NBPF9: variants seen among roughly 807,000 people sequenced by gnomAD.
NBPF9 encodes NBPF member 9, also known as NBPF family member NBPF9.
NBPF9 carries 91 observed loss-of-function variants against 97.8 expected under a neutral mutation model. The ratio of observed to expected loss-of-function variants is 0.93; its 90% CI spans 0.79 to 1.11. The LOEUF (loss-of-function observed/expected upper bound fraction) is 1.11. Among genes scored for constraint, NBPF9 ranks in the 50% least tolerant of loss-of-function variants. NBPF9 has a pLI of 0.00. For synonymous variants in NBPF9, 334 were observed against 359.5 expected, an observed-to-expected ratio of 0.93 and a Z score of 0.80; for missense variants, 992 against 939.5, an observed-to-expected ratio of 1.06 and a Z score of -0.73.
chr1:149,086,905 T>C (rs1258043882), intron 5 of NBPF9, among the ~76,000 whole-genome samples: 2 of 152,172 alleles, frequency 1.3e-5, no homozygotes, highest in African/African-American at 2.4e-5. Flanking sequence ...TTCCCAGGAA[T>C]GGAATGACTG....
chr1:149,070,806 C>T (rs1331496276), intron 16 of NBPF9, 128 bp downstream of exon 16: 48 of 1,489,530 alleles, frequency 3.2e-5, no homozygotes, highest in Non-Finnish European at 4.4e-5. Context: ...CAAAAAACTC[C>T]CTGATATCTG....
At chr1:149,077,465 G>A (rs1397843248) in intron 10 of NBPF9, 46 bp from the exon 11 acceptor site, 7 of 1,601,726 alleles carry the variant, frequency 4.4e-6, no homozygotes, top group Non-Finnish European at 5.1e-6. Flanking sequence ...TAAACACAGA[G>A]GGATTGGACC....
At chr1:149,094,060 A>G (rs1306352329) in intron 4 of NBPF9, among the ~76,000 whole-genome samples, 1 of 151,770 alleles carries the variant, frequency 6.6e-6, no homozygotes, top group East Asian at 2.0e-4. Flanking sequence ...ACTTGAACTC[A>G]GGAGGTGGAG....
chr1:149,070,349 A>T (rs1418525024), intron 16 of NBPF9, among the ~76,000 whole-genome samples: 1 of 138,390 alleles, frequency 7.2e-6, no homozygotes, highest in South Asian at 2.4e-4. Flanking sequence ...AAAAAAATCC[A>T]CGATGCTACA....
In NBPF9 at chr1:149,078,892, C is replaced by T. The variant is rs1235453374; in HGVS notation, c.493+115G>A. 8 of 1,592,564 alleles carry T rather than the reference C, an allele frequency of 5.0e-6. 1 individual carries two copies. Among genetic ancestry groups the T allele is most frequent in the Non-Finnish European group, 6.0e-6 (7 of 1,162,934 alleles). On this transcript the variant is annotated intron_variant, in intron 9 of 29. Transcript: ENST00000584027. ...GGAAGTCCTGATCGTGTCATGGCCA[C>T]ATATGTGTAGCAGAAAAAAACCCCA...
chr1:149,066,156 A>C, intron 17 of NBPF9: 1 of 175,728 alleles, frequency 5.7e-6, no homozygotes, highest in Non-Finnish European at 1.1e-5. Flanking sequence ...CAAAAATACT[A>C]GCCAACATAC....
At chr1:149,073,273 T>C (rs587703001) in intron 13 of NBPF9, among the ~76,000 whole-genome samples, 2 of 143,304 alleles carry the variant, frequency 1.4e-5, no homozygotes, top group South Asian at 2.4e-4. Context: ...ACATAGTGCA[T>C]CTTGCGGCCA....
At chr1:149,060,241 T>C in intron 24 of NBPF9, 1 of 230,258 alleles carries the variant, frequency 4.3e-6, no homozygotes, top group Middle Eastern at 1.6e-3. Flanking sequence ...GTCAAAATCA[T>C]AGTTCTCTGA....
exon 30 of NBPF9, chr1:149,055,333 A>C: frequency 1.9e-6 from 1 of 520,586 alleles, no homozygotes; most frequent in South Asian, 2.2e-5. Flanking sequence ...GCAGGTATAG[A>C]AGCTCAGAGA....
downstream of NBPF9, among the ~76,000 whole-genome samples, chr1:149,052,780 C>T (rs1354753437): frequency 4.0e-5 from 6 of 148,428 alleles, no homozygotes; most frequent in Admixed American, 1.4e-4. Context: ...CTTTTGTAAA[C>T]GATTGAAGTT....
exon 22 of NBPF9, chr1:149,062,183 A>G: frequency 1.1e-6 from 1 of 934,560 alleles, no homozygotes; most frequent in Non-Finnish European, 1.8e-6. Context: ...AGTTCAAGAT[A>G]ACCTGAAGGA....
rs587746158 is a variant in NBPF9 at position 149,072,372 on chromosome 1, C to T, written c.1306+346G>A. On this transcript the variant is annotated intron_variant, in intron 14 of 29. Transcript: ENST00000584027. ...CTCTGACAGTAACTAAGAACATTGC[C>T]GAAAAGACAGCCTGGGAACCTTCAT... Among the ~76,000 whole-genome samples, 37 of 152,238 alleles carry T rather than the reference C, an allele frequency of 2.4e-4. 2 individuals are homozygous for T. The East Asian group carries it at 3.7e-3, about 15-fold the overall frequency.
At chr1:149,087,349 A>T (rs1297293015) in intron 5 of NBPF9, among the ~76,000 whole-genome samples, 5 of 149,608 alleles carry the variant, frequency 3.3e-5, no homozygotes, top group African/African-American at 1.2e-4. Context: ...ACACACACAC[A>T]CGTTTGTGTG....
chr1:149,065,973 C>A (rs1487379185), intron 17 of NBPF9: 4 of 577,752 alleles, frequency 6.9e-6, no homozygotes, highest in Non-Finnish European at 3.1e-6. Flanking sequence ...TCTTGCAGCA[C>A]AGAGAACTGA....
At chr1:149,086,880 GAC>G (rs1394977588) in intron 5 of NBPF9, among the ~76,000 whole-genome samples, 3 of 152,082 alleles carry the variant, frequency 2.0e-5, no homozygotes, top group Non-Finnish European at 4.4e-5. Context: ...TCATTGTGCA[GAC>G]ACAGTGTGTA....
chr1:149,063,107 T>G (rs1301405578), intron 20 of NBPF9, among the ~76,000 whole-genome samples, 194 bp from the exon 21 acceptor site: 32 of 143,232 alleles, frequency 2.2e-4, no homozygotes, highest in Non-Finnish European at 3.0e-5. Context: ...AAACTGTGGG[T>G]AAAATTCCCT....
At chr1:149,071,162 G>A (rs587743947) in intron 15 of NBPF9, 23 bp from the exon 16 acceptor site, 5 of 1,398,754 alleles carry the variant, frequency 3.6e-6, no homozygotes, top group Non-Finnish European at 4.0e-6. Flanking sequence ...GTGGGACAGA[G>A]ATGACAGAAG....
intron 7 of NBPF9, among the ~76,000 whole-genome samples, chr1:149,081,387 A>G (rs1197947421): frequency 1.3e-4 from 20 of 151,576 alleles, no homozygotes; most frequent in Admixed American, 3.9e-4. Flanking sequence ...CAAAGTGCTG[A>G]GATTACAGGA....
chr1:149,059,260 C>G (rs2078443119), intron 25 of NBPF9, 163 bp from the exon 26 acceptor site: 2 of 465,466 alleles, frequency 4.3e-6, no homozygotes, highest in East Asian at 5.7e-5. Context: ...AGACCAGGGC[C>G]AGGTAGAAAA....
Sources: gnomAD v4.1 joint callset for allele counts (sites outside exome capture counted in the v4.1 genomes callset) on GRCh38, gnomAD v4.1.1 for gene constraint, MANE v1.5 for transcripts, NCBI Gene and HGNC (gene_info 2026-07-23, HGNC 2026-07-21) for gene names.